VWA8: variants seen among roughly 807,000 people sequenced by gnomAD.
VWA8 encodes the protein von Willebrand factor A domain-containing protein 8.
VWA8 carries 221 observed loss-of-function variants against 241.5 expected under a neutral mutation model. The ratio of observed to expected loss-of-function variants is 0.91; its 90% CI spans 0.82 to 1.02. The LOEUF (loss-of-function observed/expected upper bound fraction) is 1.02. Among genes scored for constraint, VWA8 ranks in the 50% least tolerant of loss-of-function variants. VWA8 has a pLI of 0.00. For synonymous variants in VWA8, 852 were observed against 827.1 expected (o/e 1.03, Z -0.52); for missense variants, 2,322 against 2,328.7 (o/e 1.00, Z 0.06).
chr13:41,674,598 A>C (rs2137802160), intron 36 of VWA8, among the ~76,000 whole-genome samples: 1 of 152,292 alleles, frequency 6.6e-6, no homozygotes, highest in South Asian at 2.1e-4. Context: ...CCAGAAAGGG[A>C]CGGGCTCCAG....
intron 42 of VWA8, among the ~76,000 whole-genome samples, chr13:41,581,838 T>C (rs2044385094): frequency 6.6e-6 from 1 of 152,112 alleles, no homozygotes; most frequent in Admixed American, 6.5e-5. Context: ...ATTAAGAGCC[T>C]TTGAAAAGGA....
chr13:41,685,390 T>A, intron 34 of VWA8, 148 bp from the exon 35 acceptor site: 1 of 805,310 alleles, frequency 1.2e-6, no homozygotes, highest in Non-Finnish European at 1.9e-6. Context: ...GTACAGTGGC[T>A]CATGCCTGTA....
chr13:41,707,911 C>A (rs2045292356), intron 26 of VWA8, among the ~76,000 whole-genome samples: 1 of 152,172 alleles, frequency 6.6e-6, no homozygotes. Context: ...ATTCCTTACA[C>A]TTCTGGGTTT....
chr13:41,726,944 G>A lies in VWA8; in HGVS notation c.2758+250C>T, dbSNP rs146224691. Reference sequence around the variant, plus strand: ...CGGGTGGCGGAAGTTGTAGTGGGCCGAGATCATGCCACTGCACTCCAGTCT... The same window carrying A: ...CGGGTGGCGGAAGTTGTAGTGGGCCAAGATCATGCCACTGCACTCCAGTCT... On this transcript the variant is annotated intron_variant, in intron 24 of 44. Coordinates refer to ENST00000379310, the MANE Select transcript of VWA8 (RefSeq NM_015058.2). Among the ~76,000 whole-genome samples, 367 of 152,164 alleles carry A rather than the reference G, an allele frequency of 2.4e-3. 1 individual carries two copies. The highest frequency in any genetic ancestry group is 8.3e-3 in the African/African-American group (346 of 41,522).
At chr13:41,589,966 A>C (rs542738201) in intron 41 of VWA8, among the ~76,000 whole-genome samples, 22 of 152,322 alleles carry the variant, frequency 1.4e-4, no homozygotes, top group Middle Eastern at 3.4e-3. Flanking sequence ...ACCCCGGTGC[A>C]CATTAATACA....
intron 4 of VWA8, among the ~76,000 whole-genome samples, chr13:41,901,376 GT>G (rs1875416990): frequency 6.6e-6 from 1 of 152,234 alleles, no homozygotes; most frequent in African/African-American, 2.4e-5. Flanking sequence ...CTATTTATCA[GT>G]TGTACAACCA....
intron 2 of VWA8, among the ~76,000 whole-genome samples, chr13:41,936,770 A>G (rs993937229): frequency 2.6e-5 from 4 of 152,242 alleles, no homozygotes; most frequent in African/African-American, 9.6e-5. Context: ...ACCACAAAAA[A>G]GATAACTATG....
intron 2 of VWA8, among the ~76,000 whole-genome samples, chr13:41,939,218 G>C (rs1292181364): frequency 6.6e-6 from 1 of 152,152 alleles, no homozygotes; most frequent in Non-Finnish European, 1.5e-5. Flanking sequence ...TTGAAAACTT[G>C]CTATGCTGGA....
intron 4 of VWA8, among the ~76,000 whole-genome samples, chr13:41,896,396 T>C (rs368162513): frequency 2.0e-5 from 3 of 152,060 alleles, no homozygotes; most frequent in South Asian, 2.1e-4. Context: ...TAATCATATG[T>C]GACTTTTTGA....
At chr13:41,578,708 T>C (rs1463302010) in intron 42 of VWA8, among the ~76,000 whole-genome samples, 1 of 152,190 alleles carries the variant, frequency 6.6e-6, no homozygotes, top group Non-Finnish European at 1.5e-5. Context: ...ACTGTCATTA[T>C]CAAACCGCCT....
At chr13:41,928,729 A>G (rs1266638415) in intron 2 of VWA8, among the ~76,000 whole-genome samples, 1 of 152,140 alleles carries the variant, frequency 6.6e-6, no homozygotes, top group Non-Finnish European at 1.5e-5. Context: ...AATAAACATC[A>G]TAACAGAAAT....
chr13:41,924,759 C>CT (rs200528621), intron 2 of VWA8, among the ~76,000 whole-genome samples: 142 of 144,404 alleles, frequency 9.8e-4, no homozygotes, highest in South Asian at 8.0e-3. Flanking sequence ...GAAGCACTTT[C>CT]TTTTTTTTTT....
At chr13:41,631,574 C>T (rs1279393923) in intron 37 of VWA8, among the ~76,000 whole-genome samples, 3 of 152,100 alleles carry the variant, frequency 2.0e-5, no homozygotes, top group Non-Finnish European at 4.4e-5. Context: ...AAATTATAGG[C>T]TCGTAGAACT....
intron 1 of VWA8, among the ~76,000 whole-genome samples, chr13:41,951,997 G>A (rs753479096): frequency 6.6e-6 from 1 of 152,172 alleles, no homozygotes; most frequent in Non-Finnish European, 1.5e-5. Context: ...AAAAGATGAT[G>A]AGGACCAAAA....
chr13:41,602,927 A>G (rs557435192), intron 40 of VWA8, among the ~76,000 whole-genome samples: 1 of 152,274 alleles, frequency 6.6e-6, no homozygotes, highest in African/African-American at 2.4e-5. Flanking sequence ...CGGAAGTTCT[A>G]CATCTATTTT....
intron 21 of VWA8, among the ~76,000 whole-genome samples, chr13:41,748,383 C>A (rs906441047): frequency 5.3e-5 from 8 of 152,056 alleles, no homozygotes; most frequent in Non-Finnish European, 1.2e-4. Context: ...AGTTTATTTG[C>A]GTAGAGGTGT....
chr13:41,867,805 A>AG (rs1380079917), intron 10 of VWA8, among the ~76,000 whole-genome samples: 2 of 152,168 alleles, frequency 1.3e-5, no homozygotes, highest in East Asian at 1.9e-4. Context: ...GTTTGAGCTC[A>AG]GGAATTCAAA....
At chr13:41,916,721 A>C (rs1207915905) in intron 2 of VWA8, among the ~76,000 whole-genome samples, 2 of 152,208 alleles carry the variant, frequency 1.3e-5, no homozygotes, top group African/African-American at 2.4e-5. Flanking sequence ...TTAATGCTTG[A>C]AACTAGCTGT....
At chr13:41,823,534 A>G (rs939124003) in intron 14 of VWA8, among the ~76,000 whole-genome samples, 1 of 152,066 alleles carries the variant, frequency 6.6e-6, no homozygotes, top group Non-Finnish European at 1.5e-5. Context: ...TTAGCATCCT[A>G]TAGTATTTAT....
Sources: allele counts gnomAD v4.1 joint callset (sites outside exome capture counted in the v4.1 genomes callset), GRCh38; gene constraint gnomAD v4.1.1; transcripts MANE v1.5; gene names NCBI Gene and HGNC (gene_info 2026-07-23, HGNC 2026-07-21).